The following CP variants were observed in gnomAD, a reference collection of about 807,000 sequenced individuals.
The protein encoded by CP is ceruloplasmin, also known as caeruloplasmin.
Under a neutral mutation model 122.4 loss-of-function variants are expected in CP, and 64 were observed. That is an observed-to-expected ratio of 0.52 (90% CI 0.43 to 0.64). The LOEUF is 0.64. Among genes scored for constraint, CP ranks in the 30% least tolerant of loss-of-function variants. The pLI, the probability that CP is intolerant of heterozygous loss-of-function variation, is 0.00. For synonymous variants in CP, 440 were observed against 436.4 expected (o/e 1.01, Z -0.10); for missense variants, 1,167 against 1,284.4 (o/e 0.91, Z 1.40).
chr3:149,220,405 C>T (rs916860026), intron 1 of CP, among the ~76,000 whole-genome samples: 2 of 151,884 alleles, frequency 1.3e-5, no homozygotes, highest in Non-Finnish European at 2.9e-5. Flanking sequence ...CAAGAAAATA[C>T]TGAATCCATG....
At chr3:149,195,744 T>C (rs1726858593) in intron 9 of CP, among the ~76,000 whole-genome samples, 2 of 151,922 alleles carry the variant, frequency 1.3e-5, no homozygotes, top group South Asian at 4.1e-4. Flanking sequence ...CGGGCGCCTG[T>C]AGTCCCAGCT....
chr3:149,190,370 TAAAC>T (rs1376151177), intron 9 of CP, among the ~76,000 whole-genome samples: 1 of 151,928 alleles, frequency 6.6e-6, no homozygotes, highest in Non-Finnish European at 1.5e-5. Context: ...ATTAAAAACA[TAAAC>T]AGGCTGGGTG....
intron 9 of CP, among the ~76,000 whole-genome samples, chr3:149,195,865 CAA>C (rs1207450901): frequency 1.1e-4 from 6 of 54,572 alleles, no homozygotes; most frequent in Admixed American, 2.0e-4. Flanking sequence ...GACACCGTCT[CAA>C]AAAAAAAAAA....
intron 2 of CP, among the ~76,000 whole-genome samples, chr3:149,211,909 C>A (rs1728122652): frequency 6.6e-6 from 1 of 152,134 alleles, no homozygotes; most frequent in African/African-American, 2.4e-5. Flanking sequence ...CTCACTGAGT[C>A]CACCTAGAAA....
chr3:149,207,187 T>C (rs898960225), intron 5 of CP, among the ~76,000 whole-genome samples, 176 bp downstream of exon 5: 1 of 152,210 alleles, frequency 6.6e-6, no homozygotes, highest in African/African-American at 2.4e-5. Flanking sequence ...CATTACTTTA[T>C]AATATTCCTG....
chr3:149,216,979 C>A (rs1728497856), intron 1 of CP, among the ~76,000 whole-genome samples: 1 of 150,854 alleles, frequency 6.6e-6, no homozygotes, highest in African/African-American at 2.4e-5. Context: ...CGGCTCACTG[C>A]AACCTCCACC....
At chr3:149,208,398 A>C (rs1727889996) in intron 4 of CP, among the ~76,000 whole-genome samples, 1 of 152,180 alleles carries the variant, frequency 6.6e-6, no homozygotes, top group African/African-American at 2.4e-5. Flanking sequence ...GTTAGTACAC[A>C]ACAGAGACAG....
In CP at chr3:149,185,394, C is replaced by T. The variant is rs535081503; in HGVS notation, c.2130G>A (p.Lys710=). ...TGCATTGGTTCACAGTATATTTTTG[C>T]TTCATGCCGCCTGTGTAATGATCAG... is the stretch of plus-strand genomic sequence containing the variant. ...LTTDHYTGGM[K]QKYTVNQCRR... Residue 710 remains lysine, a synonymous_variant, in exon 12 of 19, where the codon AAG becomes AAA. Coordinates refer to ENST00000264613, the MANE Select transcript of CP (RefSeq NM_000096.4). 1.2e-6 allele frequency: 2 copies of T among 1,614,082 alleles called. No homozygotes were observed. Among genetic ancestry groups the T allele is most frequent in the Non-Finnish European group, 1.7e-6 (2 of 1,179,970 alleles).
chr3:149,172,245 T>C (rs766322468), downstream of CP: 2 of 1,606,862 alleles, frequency 1.2e-6, no homozygotes, highest in South Asian at 2.2e-5. Context: ...AAAAATACCA[T>C]AATGGCATTT....
In CP at chr3:149,206,456, A is replaced by G; in HGVS notation, c.1037-117T>C. 4 of 1,171,596 alleles carry G rather than the reference A, an allele frequency of 3.4e-6. 1 individual carries two copies. In the South Asian group the frequency reaches 3.8e-5, roughly 11 times the overall value. 72.6% of individuals were successfully genotyped at this position (1,171,596 alleles called of 1,614,324 possible). ...AAATTGAAGGAATAGACAGATAGCA[A>G]CAGTACTATAAACTAGGGCAGACAG... On this transcript the variant is annotated intron_variant, in intron 5 of 18. Coordinates refer to ENST00000264613, the MANE Select transcript of CP (RefSeq NM_000096.4).
intron 9 of CP, among the ~76,000 whole-genome samples, chr3:149,193,943 G>C (rs753387710): frequency 3.9e-5 from 6 of 152,188 alleles, no homozygotes; most frequent in Non-Finnish European, 8.8e-5. Context: ...TTCCTGTGTT[G>C]TGATTTCTTC....
chr3:149,170,671 C>G (rs577098808), downstream of CP: 4 of 152,290 alleles, frequency 2.6e-5, no homozygotes, highest in East Asian at 5.8e-4. Flanking sequence ...TTCATTAACT[C>G]TTTAGCAACA....
At chr3:149,213,949 G>A (rs1210823639) in intron 1 of CP, among the ~76,000 whole-genome samples, 1 of 152,194 alleles carries the variant, frequency 6.6e-6, no homozygotes, top group Non-Finnish European at 1.5e-5. Flanking sequence ...GGAATCTACT[G>A]ATGAACTTAG....
At chr3:149,199,201 T>C (rs764634697) in intron 8 of CP, among the ~76,000 whole-genome samples, 7 of 152,180 alleles carry the variant, frequency 4.6e-5, no homozygotes, top group Admixed American at 2.6e-4. Flanking sequence ...CTTGTAATGC[T>C]AAGAGAACAA....
chr3:149,183,665 T>G (rs1725939940), intron 12 of CP, 60 bp from the exon 13 acceptor site: 10 of 1,199,216 alleles, frequency 8.3e-6, no homozygotes, highest in Admixed American at 4.6e-5. Flanking sequence ...ACTTAAGTTT[T>G]AAACTTTAAA....
At chr3:149,178,706 G>C (rs1365898381) in intron 15 of CP, 75 bp from the exon 16 acceptor site, 2 of 1,089,264 alleles carry the variant, frequency 1.8e-6, no homozygotes, top group Non-Finnish European at 2.7e-6. Context: ...TTTGCACCCA[G>C]GGCCTCAGGA....
chr3:149,221,354 T>C (rs890638459), intron 1 of CP, among the ~76,000 whole-genome samples: 2 of 152,198 alleles, frequency 1.3e-5, no homozygotes, highest in Non-Finnish European at 2.9e-5. Context: ...ATGAAAGAAC[T>C]TCTGCATAAA....
chr3:149,200,499 C>A (rs34750070), intron 7 of CP, among the ~76,000 whole-genome samples: 2,032 of 151,954 alleles, frequency 0.013, 45 homozygotes, highest in African/African-American at 0.045. Context: ...TGAGTATTTT[C>A]TTTTTTTCTT....
chr3:149,198,153 T>C (rs1009406217), intron 9 of CP, among the ~76,000 whole-genome samples: 16 of 152,178 alleles, frequency 1.1e-4, no homozygotes, highest in African/African-American at 3.6e-4. Context: ...AATGTGAACA[T>C]TGATTGGCTA....
Sources: gnomAD v4.1 joint callset for allele counts (sites outside exome capture counted in the v4.1 genomes callset) on GRCh38, gnomAD v4.1.1 for gene constraint, MANE v1.5 for transcripts, NCBI Gene and HGNC (gene_info 2026-07-23, HGNC 2026-07-21) for gene names.